RNLS: variants seen among roughly 807,000 people sequenced by gnomAD.
RNLS encodes the protein renalase, FAD dependent amine oxidase.
A neutral mutation model predicts 39.8 loss-of-function variants in RNLS; 39 were observed. The observed-to-expected ratio is 0.98, with a 90% CI of 0.76 to 1.28. RNLS has a LOEUF of 1.28. Ranked by LOEUF, RNLS falls within the 50% of genes most tolerant of loss-of-function variation. RNLS has a pLI of 0.00. For missense variants in RNLS, 410 were observed against 413.3 expected (o/e 0.99, Z 0.07); for synonymous variants, 147 against 150.7 (o/e 0.98, Z 0.18).
chr10:88,331,340 A>G (rs1218779216), intron 5 of RNLS, among the ~76,000 whole-genome samples: 3 of 152,242 alleles, frequency 2.0e-5, no homozygotes, highest in African/African-American at 7.2e-5. Flanking sequence ...AGGGAAATAG[A>G]GGACTAAAGA....
chr10:88,487,257 G>T (rs775677347), intron 4 of RNLS, among the ~76,000 whole-genome samples: 3 of 152,060 alleles, frequency 2.0e-5, no homozygotes, highest in Non-Finnish European at 4.4e-5. Flanking sequence ...TGGGTACTAG[G>T]CTTAGTGCCT....
chr10:88,540,166 G>A (rs1179882079), intron 4 of RNLS, among the ~76,000 whole-genome samples: 3 of 152,122 alleles, frequency 2.0e-5, no homozygotes, highest in Non-Finnish European at 4.4e-5. Flanking sequence ...AATATGCTAC[G>A]CTATCATGCA....
the RNLS span, among the ~76,000 whole-genome samples, chr10:88,191,414 CAAAT>C: frequency 9.2e-5 from 14 of 151,768 alleles, no homozygotes; most frequent in South Asian, 2.1e-4. Context: ...TTTTCATTGA[CAAAT>C]AAAAATTATA....
chr10:88,307,925 G>C (rs1458610835), intron 6 of RNLS, among the ~76,000 whole-genome samples: 1 of 151,560 alleles, frequency 6.6e-6, no homozygotes, highest in Non-Finnish European at 1.5e-5. Flanking sequence ...CATGATATTG[G>C]TACAAAAACA....
intron 4 of RNLS, among the ~76,000 whole-genome samples, chr10:88,457,479 T>C (rs894695634): frequency 6.6e-6 from 1 of 152,220 alleles, no homozygotes; most frequent in Non-Finnish European, 1.5e-5. Context: ...AACTGCATAA[T>C]AAACTCAATA....
At chr10:88,482,842 C>T (rs965232619) in intron 4 of RNLS, among the ~76,000 whole-genome samples, 13 of 152,034 alleles carry the variant, frequency 8.6e-5, no homozygotes, top group African/African-American at 3.1e-4. Context: ...TGTTTAGTAA[C>T]CTGCCAGGGC....
In RNLS at chr10:88,315,124, AAAAG is replaced by A. The variant is rs141183169; in HGVS notation, c.701-487_701-484del. Among the ~76,000 whole-genome samples the A allele has an allele frequency of 1.0e-3, 159 of 152,330 alleles. 4 individuals are homozygous for A. In the East Asian group the frequency reaches 0.027, roughly 26 times the overall value. On this transcript the variant is annotated intron_variant, in intron 5 of 6. Coordinates refer to ENST00000331772, the MANE Select transcript of RNLS (RefSeq NM_001031709.3). ...TTGAAATTACACAAATGTCAGAACA[AAAAG>A]AAACCAAGCTCCTCTCTGAAAACAG...
intron 4 of RNLS, among the ~76,000 whole-genome samples, chr10:88,507,999 T>C (rs1845891025): frequency 6.6e-6 from 1 of 152,198 alleles, no homozygotes; most frequent in African/African-American, 2.4e-5. Context: ...CAGTTGCAGC[T>C]GCAAAATGAA....
chr10:88,529,782 T>C (rs1013820129), intron 4 of RNLS, among the ~76,000 whole-genome samples: 4 of 152,196 alleles, frequency 2.6e-5, no homozygotes, highest in Admixed American at 2.6e-4. Context: ...TCACTCAGCC[T>C]TAACAAATCT....
At chr10:88,386,420 G>A (rs547476129) in intron 4 of RNLS, among the ~76,000 whole-genome samples, 1 of 152,286 alleles carries the variant, frequency 6.6e-6, no homozygotes, top group South Asian at 2.1e-4. Flanking sequence ...GCTTTTCTAA[G>A]CCGTCTCTGA....
chr10:88,266,736 C>CACACA, the RNLS span, among the ~76,000 whole-genome samples: 206 of 145,998 alleles, frequency 1.4e-3, no homozygotes, highest in East Asian at 0.01. Context: ...CACACACACA[C>CACACA]CCCACACACA....
chr10:88,463,427 G>A (rs140523069), intron 4 of RNLS, among the ~76,000 whole-genome samples: 7 of 152,056 alleles, frequency 4.6e-5, no homozygotes, highest in African/African-American at 9.6e-5. Flanking sequence ...GGAACTAACC[G>A]TACCAATGCT....
intron 4 of RNLS, among the ~76,000 whole-genome samples, chr10:88,531,023 G>C (rs1380426431): frequency 2.0e-5 from 3 of 151,958 alleles, no homozygotes; most frequent in Non-Finnish European, 2.9e-5. Flanking sequence ...CAAAATAAAA[G>C]ACGCTAGATG....
At chr10:88,578,919 G>C (rs1376781171) in intron 3 of RNLS, among the ~76,000 whole-genome samples, 1 of 152,164 alleles carries the variant, frequency 6.6e-6, no homozygotes, top group Non-Finnish European at 1.5e-5. Flanking sequence ...ATTATGGTAA[G>C]TATTCAATGA....
At chr10:88,437,292 A>G (rs757432262) in intron 4 of RNLS, among the ~76,000 whole-genome samples, 41 of 152,192 alleles carry the variant, frequency 2.7e-4, no homozygotes, top group Non-Finnish European at 4.9e-4. Context: ...TTTCATTAAC[A>G]TTTGCTTGCA....
the RNLS span, among the ~76,000 whole-genome samples, chr10:88,239,872 A>G: frequency 6.6e-6 from 1 of 152,252 alleles, no homozygotes; most frequent in South Asian, 2.1e-4. Flanking sequence ...GAGGAAGAAG[A>G]AAAGGGCAAT....
chr10:88,464,114 A>C (rs1210602703), intron 4 of RNLS, among the ~76,000 whole-genome samples: 2 of 152,074 alleles, frequency 1.3e-5, no homozygotes, highest in East Asian at 1.9e-4. Flanking sequence ...CTATTAGCTC[A>C]AGAAAAATGC....
At chr10:88,327,480 AG>A (rs919275878) in intron 5 of RNLS, among the ~76,000 whole-genome samples, 2 of 152,134 alleles carry the variant, frequency 1.3e-5, no homozygotes, top group Non-Finnish European at 2.9e-5. Flanking sequence ...CACATGAGAA[AG>A]GTCTAAGGTT....
chr10:88,301,231 T>C (rs1442645518), intron 6 of RNLS, among the ~76,000 whole-genome samples: 1 of 152,234 alleles, frequency 6.6e-6, no homozygotes, highest in African/African-American at 2.4e-5. Context: ...TACCTGCCTA[T>C]ATAAACTTCA....
Sources: allele counts gnomAD v4.1 joint callset (sites outside exome capture counted in the v4.1 genomes callset), GRCh38; gene constraint gnomAD v4.1.1; transcripts MANE v1.5; gene names NCBI Gene and HGNC (gene_info 2026-07-23, HGNC 2026-07-21).